CACNA1I: variants seen among roughly 807,000 people sequenced by gnomAD.
The protein encoded by CACNA1I is calcium voltage-gated channel subunit alpha1 I, also known as voltage-dependent T-type calcium channel subunit alpha-1I.
Under a neutral mutation model 201.6 loss-of-function variants are expected in CACNA1I, and 74 were observed. The observed-to-expected ratio is 0.37, with a 90% CI of 0.30 to 0.45. The LOEUF (loss-of-function observed/expected upper bound fraction) is 0.45, where lower values mean the gene tolerates loss of function less well. CACNA1I is among the 20% of genes least tolerant of loss of function. The probability of loss-of-function intolerance (pLI) is 1.00; values close to 1 mark genes in which losing one functional copy is unlikely to be tolerated. For synonymous variants in CACNA1I, 1,431 were observed against 1,345.2 expected, an observed-to-expected ratio of 1.06 and a Z score of -1.40; for missense variants, 2,346 against 3,138.1, an observed-to-expected ratio of 0.75 and a Z score of 6.03.
intron 31 of CACNA1I, 64 bp from the exon 32 acceptor site, chr22:39,679,043 C>A (rs776527943): frequency 2.8e-5 from 38 of 1,344,794 alleles, no homozygotes; most frequent in Admixed American, 1.0e-4. Flanking sequence ...CTGGGCTGGC[C>A]TCTGCCTCCA....
In CACNA1I at chr22:39,665,141, G is replaced by C. The variant is rs111691513; in HGVS notation, c.3851+218G>C. Among the ~76,000 whole-genome samples, 457 of 152,246 alleles carry C rather than the reference G, an allele frequency of 3.0e-3. 4 individuals carry two copies. Among genetic ancestry groups the C allele is most frequent in the African/African-American group, 0.01 (435 of 41,542 alleles). On this transcript the variant is annotated intron_variant, in intron 21 of 36. Transcript: ENST00000402142. The surrounding 1 kb of genome is among the most constrained non-coding windows in gnomAD (Gnocchi z 5.5). ...GCTGAAGCTGGACCCCAGTATTGCTGCCCACTCTGCGTGTCCCTGAGTGGC... is the reference window on the plus strand; with the variant it reads ...GCTGAAGCTGGACCCCAGTATTGCTCCCCACTCTGCGTGTCCCTGAGTGGC...
chr22:39,572,142 C>T (rs1932204970), intron 1 of CACNA1I, among the ~76,000 whole-genome samples: 1 of 152,066 alleles, frequency 6.6e-6, no homozygotes, highest in African/African-American at 2.4e-5. Flanking sequence ...TGGGACTGTG[C>T]TCCAAGGGCA....
At position 39,685,938 on chromosome 22, in the gene CACNA1I, C is replaced by T; in HGVS notation, c.6205C>T (p.Leu2069=). Residue 2069 remains leucine (L), a synonymous_variant, in exon 37 of 37, where the codon CTG becomes TTG. Coordinates refer to ENST00000402142, the MANE Select transcript of CACNA1I (RefSeq NM_021096.4). This position sits in a 1 kb window ranked among gnomAD's most constrained non-coding sequence, Gnocchi z 5.0. ...CCCCGCCGCTCGCCGCCGCCTGAGC[C>T]TGCGCGGCCGGGGCCTCTTCAGCCT... ...LSPAARRRLS[L]RGRGLFSLRG... The T allele has an allele frequency of 2.3e-6, 3 of 1,291,402 alleles. No homozygotes were observed. The highest frequency in any genetic ancestry group is 1.9e-6 in the Non-Finnish European group (2 of 1,029,380). 80.0% of individuals were successfully genotyped at this position (1,291,402 alleles called of 1,614,324 possible).
intron 2 of CACNA1I, among the ~76,000 whole-genome samples, 169 bp downstream of exon 2, chr22:39,598,431 C>T (rs544022450): frequency 1.3e-5 from 2 of 151,674 alleles, no homozygotes; most frequent in African/African-American, 2.4e-5. Context: ...CAAGCGCTGC[C>T]GCACTCAGCC....
At chr22:39,638,456 A>G (rs1934273581) in intron 5 of CACNA1I, among the ~76,000 whole-genome samples, 2 of 152,254 alleles carry the variant, frequency 1.3e-5, no homozygotes, top group East Asian at 1.9e-4. Flanking sequence ...TACTCCCACA[A>G]CAGTGTATGT....
Position 39,686,344 on chromosome 22 carries a change from C to T in CACNA1I, c.6611C>T (p.Pro2204Leu), listed in dbSNP as rs1485648069. Reference sequence around the variant, plus strand: ...ATGGGCCTGGGCCCCTTGGCGCCCCCGCCGCAACCGCTCCCCGGAGAGCTG... The same window carrying T: ...ATGGGCCTGGGCCCCTTGGCGCCCCTGCCGCAACCGCTCCCCGGAGAGCTG... ...LPMGLGPLAP[P>L]PQPLPGELEP... The change falls in exon 37 of 37, where the codon CCG (proline) becomes CTG (leucine). Residue 2204 changes from proline (P) to leucine (L), a missense_variant. Transcript: ENST00000402142. The T allele has an allele frequency of 4.6e-6, 6 of 1,314,760 alleles. No homozygotes were observed. Among genetic ancestry groups the T allele is most frequent in the Admixed American group, 3.8e-5 (1 of 26,660 alleles). The allele number at this position is 1,314,760 out of a possible 1,614,324, so 81.4% of individuals were successfully genotyped here.
At chr22:39,654,259 G>A (rs1934746422) in intron 10 of CACNA1I, among the ~76,000 whole-genome samples, 1 of 152,218 alleles carries the variant, frequency 6.6e-6, no homozygotes, top group Non-Finnish European at 1.5e-5. Context: ...ATTGCTCCTA[G>A]GAGCAGTGTC....
chr22:39,573,276 G>A (rs1053999723), intron 1 of CACNA1I, among the ~76,000 whole-genome samples: 1 of 152,182 alleles, frequency 6.6e-6, no homozygotes, highest in Non-Finnish European at 1.5e-5. Flanking sequence ...TGGGTGCTGT[G>A]TGACCATGAG....
chr22:39,606,480 T>C (rs1332837254), intron 3 of CACNA1I, among the ~76,000 whole-genome samples: 2 of 152,216 alleles, frequency 1.3e-5, no homozygotes, highest in Non-Finnish European at 2.9e-5. Flanking sequence ...TTCCAGTGTG[T>C]GACAAAGACC....
rs183342448 is a variant in CACNA1I at position 39,666,944 on chromosome 22, C to T, written c.4104+938C>T. The stretch of plus-strand genomic sequence containing the variant: ...CGGCCTTTTGTGCCCGTGCTCCTGA[C>T]CCCCTTCACCTATGGGCCCCGCCCC... On this transcript the variant is annotated intron_variant, in intron 23 of 36. Coordinates refer to ENST00000402142, the MANE Select transcript of CACNA1I (RefSeq NM_021096.4). The surrounding 1 kb of genome is among the most constrained non-coding windows in gnomAD (Gnocchi z 4.1). 6.6e-6 allele frequency among the ~76,000 whole-genome samples: 1 copy of T among 152,342 alleles called. No individual in the cohort carries two copies. Among genetic ancestry groups the T allele is most frequent in the East Asian group, 1.9e-4 (1 of 5,172 alleles).
chr22:39,648,471 C>T lies in CACNA1I; in HGVS notation c.1567+545C>T, dbSNP rs1027049801. On this transcript the variant is annotated intron_variant, in intron 9 of 36. Coordinates refer to ENST00000402142, the MANE Select transcript of CACNA1I (RefSeq NM_021096.4). This position sits in a 1 kb window ranked among gnomAD's most constrained non-coding sequence, Gnocchi z 5.4. The stretch of plus-strand genomic sequence containing the variant: ...GGAAAACGAGAGTTGGCTGTCGCCC[C>T]ACGTCCAGGTGGGAGCAGTGAGCCG... 2.6e-5 allele frequency among the ~76,000 whole-genome samples: 4 copies of T among 152,110 alleles called. No individual in the cohort carries two copies. Among genetic ancestry groups the T allele is most frequent in the African/African-American group, 7.2e-5 (3 of 41,436 alleles).
chr22:39,598,336 CA>C (rs1470167032), intron 2 of CACNA1I, 74 bp downstream of exon 2: 2 of 722,994 alleles, frequency 2.8e-6, no homozygotes, highest in East Asian at 2.7e-5. Context: ...GCCCACTCCA[CA>C]CCCCCGCCCC....
intron 1 of CACNA1I, among the ~76,000 whole-genome samples, chr22:39,582,667 C>T (rs1427417140): frequency 6.6e-6 from 1 of 151,824 alleles, no homozygotes; most frequent in Non-Finnish European, 1.5e-5. Context: ...GGATTAGAAC[C>T]CTGGAGCTAA....
intron 1 of CACNA1I, among the ~76,000 whole-genome samples, chr22:39,589,535 G>A (rs925293088): frequency 2.6e-5 from 4 of 152,358 alleles, no homozygotes; most frequent in South Asian, 2.1e-4. Flanking sequence ...ATGCTACACC[G>A]TCACACATCA....
chr22:39,590,392 G>C (rs1051954352), intron 1 of CACNA1I, among the ~76,000 whole-genome samples: 1 of 152,158 alleles, frequency 6.6e-6, no homozygotes, highest in Non-Finnish European at 1.5e-5. Flanking sequence ...GCAGGGGCTG[G>C]AGCATCTCTC....
chr22:39,679,538 C>T (rs1935628337), intron 32 of CACNA1I, 93 bp downstream of exon 32: 1 of 1,097,876 alleles, frequency 9.1e-7, no homozygotes. Context: ...TGCACAGAGA[C>T]CTCTGTCTTT....
Position 39,666,611 on chromosome 22 carries a change from C to A in CACNA1I, c.4104+605C>A, listed in dbSNP as rs1234176618. 6.6e-6 allele frequency among the ~76,000 whole-genome samples: 1 copy of A among 152,166 alleles called. No homozygotes were observed. The highest frequency in any genetic ancestry group is 2.4e-5 in the African/African-American group (1 of 41,432). Reference sequence around the variant, plus strand: ...CAGGTGAGGGCCCTTGGCTGGCTGCCTCCCCTTCCCTGCTCTCATTTCTCG... The same window carrying A: ...CAGGTGAGGGCCCTTGGCTGGCTGCATCCCCTTCCCTGCTCTCATTTCTCG... On this transcript the variant is annotated intron_variant, in intron 23 of 36. Transcript: ENST00000402142. This position sits in a 1 kb window ranked among gnomAD's most constrained non-coding sequence, Gnocchi z 4.1.
At position 39,648,232 on chromosome 22, in the gene CACNA1I, G is replaced by A. The variant is rs1934547922; in HGVS notation, c.1567+306G>A. Among the ~76,000 whole-genome samples, 1 of 152,066 alleles carries A rather than the reference G, an allele frequency of 6.6e-6. No individual in the cohort carries two copies. The highest frequency in any genetic ancestry group is 2.4e-5 in the African/African-American group (1 of 41,428). ...AGAGCTGCCGCCCACCCGTCCTCGGGTGCCAGCCATCCAGGCGTGGGCTCG... is the reference window on the plus strand; with the variant it reads ...AGAGCTGCCGCCCACCCGTCCTCGGATGCCAGCCATCCAGGCGTGGGCTCG... On this transcript the variant is annotated intron_variant, in intron 9 of 36. Coordinates refer to ENST00000402142, the MANE Select transcript of CACNA1I (RefSeq NM_021096.4). The surrounding 1 kb of genome is among the most constrained non-coding windows in gnomAD (Gnocchi z 5.4).
At chr22:39,673,648 T>C (rs148801465) in intron 28 of CACNA1I, among the ~76,000 whole-genome samples, 1 of 152,358 alleles carries the variant, frequency 6.6e-6, no homozygotes, top group African/African-American at 2.4e-5. Context: ...CCACTCACGC[T>C]GGTCCTTTGT....
Sources: gnomAD v4.1 joint callset for allele counts (sites outside exome capture counted in the v4.1 genomes callset) on GRCh38, gnomAD v4.1.1 for gene constraint, Gnocchi (gnomAD v3.1) non-coding constraint, MANE v1.5 for transcripts, NCBI Gene and HGNC (gene_info 2026-07-23, HGNC 2026-07-21) for gene names.